The following USP32 variants were observed in gnomAD, a reference collection of about 807,000 sequenced individuals.
USP32 encodes ubiquitin specific peptidase 32.
Under a neutral mutation model 204.8 loss-of-function variants are expected in USP32, and 59 were observed. The ratio of observed to expected loss-of-function variants is 0.29; its 90% CI spans 0.23 to 0.36. USP32 has a LOEUF of 0.36. USP32 is among the 10% of genes least tolerant of loss of function. USP32 has a pLI of 1.00. For synonymous variants in USP32, 517 were observed against 678.4 expected (o/e 0.76, Z 3.70); for missense variants, 1,160 against 1,946.4 (o/e 0.60, Z 7.60).
At chr17:60,223,980 G>C (rs2085321732) in intron 13 of USP32, among the ~76,000 whole-genome samples, 1 of 152,136 alleles carries the variant, frequency 6.6e-6, no homozygotes, top group African/African-American at 2.4e-5. Flanking sequence ...GTGATATGAA[G>C]TCACTAAATT....
intron 10 of USP32, among the ~76,000 whole-genome samples, chr17:60,252,894 C>T (rs1232465387): frequency 6.6e-6 from 1 of 152,028 alleles, no homozygotes; most frequent in African/African-American, 2.4e-5. Flanking sequence ...AAAATAAAAA[C>T]AATTTAGCAT....
intron 1 of USP32, among the ~76,000 whole-genome samples, chr17:60,384,338 T>C (rs1233987772): frequency 1.3e-5 from 2 of 152,226 alleles, no homozygotes; most frequent in Non-Finnish European, 2.9e-5. Context: ...ACCAAGCTTC[T>C]TTACAGAAAT....
chr17:60,411,784 A>T (rs1598323519), intron 1 of USP32, among the ~76,000 whole-genome samples: 1 of 152,042 alleles, frequency 6.6e-6, no homozygotes, highest in East Asian at 1.9e-4. Flanking sequence ...TAGAGTTTTT[A>T]AGATTCATTT....
intron 5 of USP32, among the ~76,000 whole-genome samples, chr17:60,286,867 C>G (rs6503957): frequency 0.87 from 132,572 of 152,242 alleles, 58,191 homozygotes; most frequent in East Asian, 1. Flanking sequence ...TTCTTCCCAG[C>G]CTGGGTGTGG....
intron 24 of USP32, 140 bp downstream of exon 24, chr17:60,207,919 T>G: frequency 1.4e-6 from 2 of 1,430,014 alleles, no homozygotes; most frequent in Non-Finnish European, 1.9e-6. Context: ...AAACTTGGCA[T>G]TTTTTGTTGT....
chr17:60,289,232 T>C (rs1007777850), intron 4 of USP32, among the ~76,000 whole-genome samples: 2 of 152,158 alleles, frequency 1.3e-5, no homozygotes, highest in Non-Finnish European at 2.9e-5. Flanking sequence ...ATGGTCTTGA[T>C]CTCCTGACCT....
At chr17:60,228,506 T>TC (rs1427765502) in intron 12 of USP32, among the ~76,000 whole-genome samples, 2 of 149,254 alleles carry the variant, frequency 1.3e-5, no homozygotes, top group Non-Finnish European at 1.5e-5. Context: ...TTTTTCTTTT[T>TC]TTTTTTTTTT....
intron 2 of USP32, among the ~76,000 whole-genome samples, chr17:60,325,146 G>A (rs564527541): frequency 2.5e-4 from 38 of 152,316 alleles, no homozygotes; most frequent in South Asian, 1.9e-3. Flanking sequence ...TGCCACGGTG[G>A]CTCACACTTG....
At chr17:60,215,095 G>C (rs1567773498) in intron 16 of USP32, among the ~76,000 whole-genome samples, 1 of 152,078 alleles carries the variant, frequency 6.6e-6, no homozygotes, top group Non-Finnish European at 1.5e-5. Flanking sequence ...AGCCTCCTGA[G>C]TAGCTGGTAC....
intron 30 of USP32, among the ~76,000 whole-genome samples, chr17:60,184,757 C>A (rs1567749092): frequency 6.9e-6 from 1 of 145,878 alleles, no homozygotes; most frequent in Non-Finnish European, 1.5e-5. Flanking sequence ...TTGCGGTGAG[C>A]TGAGATTACA....
upstream of USP32, chr17:60,392,136 ACT>A (rs1355130483): frequency 5.8e-5 from 30 of 517,866 alleles, no homozygotes; most frequent in South Asian, 5.6e-4. Flanking sequence ...GGATCACGTG[ACT>A]CTTCCGCCCC....
At chr17:60,194,860 A>C (rs185460853) in intron 27 of USP32, among the ~76,000 whole-genome samples, 7 of 152,324 alleles carry the variant, frequency 4.6e-5, no homozygotes, top group Non-Finnish European at 8.8e-5. Context: ...CACTGCCCTG[A>C]AATCCTCACT....
intron 1 of USP32, chr17:60,421,333 G>A: frequency 4.1e-6 from 4 of 978,376 alleles, no homozygotes; most frequent in Non-Finnish European, 4.9e-6. Context: ...GGACTCAAAG[G>A]GTGCTCCTCC....
chr17:60,341,576 A>G (rs901965950), intron 2 of USP32, among the ~76,000 whole-genome samples: 16 of 152,082 alleles, frequency 1.1e-4, no homozygotes, highest in Admixed American at 8.5e-4. Context: ...ATAGTCTCAT[A>G]TTTCTTGGCG....
chr17:60,382,653 A>G (rs968954542), intron 1 of USP32, among the ~76,000 whole-genome samples: 1 of 152,260 alleles, frequency 6.6e-6, no homozygotes, highest in African/African-American at 2.4e-5. Flanking sequence ...TGAATTTTAT[A>G]TAACTCTGTA....
At chr17:60,346,277 A>G (rs1008294298) in intron 1 of USP32, among the ~76,000 whole-genome samples, 3 of 152,154 alleles carry the variant, frequency 2.0e-5, no homozygotes, top group African/African-American at 7.2e-5. Context: ...CAAAAGACAA[A>G]ACTTTAATAT....
intron 2 of USP32, among the ~76,000 whole-genome samples, chr17:60,331,798 T>G (rs886902693): frequency 5.4e-5 from 8 of 148,814 alleles, no homozygotes; most frequent in Non-Finnish European, 1.2e-4. Flanking sequence ...CTCAGGAGGC[T>G]GAGGCTGGAG....
At position 60,311,994 on chromosome 17, in the gene USP32, T is replaced by C. The variant is rs78514675; in HGVS notation, c.187-10290A>G. Among the ~76,000 whole-genome samples the C allele has an allele frequency of 3.7e-4, 57 of 152,350 alleles. 1 individual carries two copies. The highest frequency in any genetic ancestry group is 3.7e-3 in the East Asian group (19 of 5,192). On this transcript the variant is annotated intron_variant, in intron 2 of 33. Transcript: ENST00000300896. ...GGGGAAATAGTTAAGTGACAGATAC[T>C]GTTTTATCATGGCTTTTAGAGTCAG...
intron 5 of USP32, among the ~76,000 whole-genome samples, chr17:60,272,472 A>G (rs1340592403): frequency 6.6e-6 from 1 of 152,214 alleles, no homozygotes; most frequent in Non-Finnish European, 1.5e-5. Flanking sequence ...TACATAGGAC[A>G]TTTATTCTCA....
Sources: allele counts gnomAD v4.1 joint callset (sites outside exome capture counted in the v4.1 genomes callset), GRCh38; gene constraint gnomAD v4.1.1; transcripts MANE v1.5; gene names NCBI Gene and HGNC (gene_info 2026-07-23, HGNC 2026-07-21).